Variants in RBFOX1 observed in about 807,000 individuals in gnomAD.
RBFOX1 encodes RNA binding fox-1 homolog 1.
A neutral mutation model predicts 57.7 loss-of-function variants in RBFOX1; 8 were observed. The ratio of observed to expected loss-of-function variants is 0.14; its 90% confidence interval spans 0.08 to 0.25. The LOEUF (loss-of-function observed/expected upper bound fraction) is 0.25, where lower values mean the gene tolerates loss of function less well. Among genes scored for constraint, RBFOX1 ranks in the 10% least tolerant of loss-of-function variants. The probability of loss-of-function intolerance (pLI) is 1.00; values close to 1 mark genes in which losing one functional copy is unlikely to be tolerated. For missense variants in RBFOX1, 611 were observed against 548.5 expected, an observed-to-expected ratio of 1.11 and a Z score of -1.14; for synonymous variants, 326 against 222.4, an observed-to-expected ratio of 1.47 and a Z score of -4.15.
intron 1 of RBFOX1, among the ~76,000 whole-genome samples, chr16:6,125,837 G>A (rs934114875): frequency 6.6e-6 from 1 of 152,152 alleles, no homozygotes; most frequent in African/African-American, 2.4e-5. Context: ...ATTGTGAGAT[G>A]TACAAACCTT....
chr16:5,680,937 G>A (rs2151436013), intron 3 of RBFOX1, among the ~76,000 whole-genome samples: 1 of 151,988 alleles, frequency 6.6e-6, no homozygotes, highest in East Asian at 1.9e-4. Flanking sequence ...CAGGGGTGCA[G>A]CAGCTATAAA....
At chr16:6,404,454 A>G (rs2093199825) in intron 2 of RBFOX1, among the ~76,000 whole-genome samples, 1 of 152,104 alleles carries the variant, frequency 6.6e-6, no homozygotes, top group Non-Finnish European at 1.5e-5. Flanking sequence ...TTACAAATGC[A>G]ATTTTCCCCT....
chr16:6,627,201 G>A (rs1601928985), intron 2 of RBFOX1, among the ~76,000 whole-genome samples: 1 of 152,194 alleles, frequency 6.6e-6, no homozygotes, highest in Non-Finnish European at 1.5e-5. Flanking sequence ...GGGCAGAGTA[G>A]TTTGGAGGAT....
At chr16:6,758,876 A>G (rs778886296) in intron 3 of RBFOX1, among the ~76,000 whole-genome samples, 8 of 152,122 alleles carry the variant, frequency 5.3e-5, no homozygotes, top group Non-Finnish European at 8.8e-5. Flanking sequence ...CCTCATCCTA[A>G]TAAAAGTAAT....
intron 4 of RBFOX1, among the ~76,000 whole-genome samples, chr16:7,203,716 T>C (rs1397738786): frequency 6.6e-6 from 1 of 152,094 alleles, no homozygotes; most frequent in Non-Finnish European, 1.5e-5. Flanking sequence ...CTCTTCCATT[T>C]CTCTGTTTCC....
At chr16:6,818,761 G>T (rs1461739380) in intron 3 of RBFOX1, among the ~76,000 whole-genome samples, 1 of 152,132 alleles carries the variant, frequency 6.6e-6, no homozygotes, top group Non-Finnish European at 1.5e-5. Context: ...TCACAAGGGG[G>T]AGTGTGATCG....
chr16:6,869,314 C>T (rs1305590045), intron 3 of RBFOX1, among the ~76,000 whole-genome samples: 4 of 152,074 alleles, frequency 2.6e-5, no homozygotes, highest in Admixed American at 2.6e-4. Flanking sequence ...CTTGCCACTG[C>T]CAGATGAAGA....
intron 1 of RBFOX1, among the ~76,000 whole-genome samples, chr16:6,088,233 A>G (rs1174319879): frequency 6.6e-6 from 1 of 151,220 alleles, no homozygotes; most frequent in Non-Finnish European, 1.5e-5. Context: ...CCTCAGTTGG[A>G]TCATATCTGT....
intron 3 of RBFOX1, among the ~76,000 whole-genome samples, chr16:6,894,446 G>A (rs1008262028): frequency 6.6e-6 from 1 of 152,088 alleles, no homozygotes; most frequent in Non-Finnish European, 1.5e-5. Context: ...ATGCCTTCCC[G>A]AATTTGTGCC....
At chr16:6,264,474 T>A (rs1598957008) in intron 1 of RBFOX1, among the ~76,000 whole-genome samples, 1 of 152,190 alleles carries the variant, frequency 6.6e-6, no homozygotes, top group Non-Finnish European at 1.5e-5. Flanking sequence ...CACTGGCTGG[T>A]AGGACAGTGA....
intron 2 of RBFOX1, among the ~76,000 whole-genome samples, chr16:6,539,519 C>A (rs916009593): frequency 6.6e-6 from 1 of 152,094 alleles, no homozygotes; most frequent in African/African-American, 2.4e-5. Context: ...CACGTACAGT[C>A]AGGTGCAGTG....
chr16:6,518,163 A>T lies in RBFOX1; in HGVS notation c.-63-136440A>T, dbSNP rs987310451. Among the ~76,000 whole-genome samples the T allele has an allele frequency of 2.6e-5, 4 of 152,228 alleles. No homozygotes were observed. In the South Asian group the frequency reaches 8.3e-4, roughly 32 times the overall value. ...TTAGGAAGTCTAAGTGGATGAGATT[A>T]ATAGCCTGCCCTGTGGTTTGTTAAA... On this transcript the variant is annotated intron_variant, in intron 2 of 15. Coordinates refer to ENST00000550418, the MANE Select transcript of RBFOX1 (RefSeq NM_018723.4).
chr16:7,104,719 A>C (rs982143824), intron 4 of RBFOX1, among the ~76,000 whole-genome samples: 1 of 152,156 alleles, frequency 6.6e-6, no homozygotes, highest in African/African-American at 2.4e-5. Context: ...CAATTAACCA[A>C]GGAACTCTAA....
At chr16:6,881,286 T>TA (rs776683873) in intron 3 of RBFOX1, among the ~76,000 whole-genome samples, 28 of 152,134 alleles carry the variant, frequency 1.8e-4, no homozygotes, top group Non-Finnish European at 3.4e-4. Flanking sequence ...AAGGAAGGGG[T>TA]AAAACCTATC....
At chr16:6,851,429 T>C (rs1047869356) in intron 3 of RBFOX1, among the ~76,000 whole-genome samples, 1 of 152,214 alleles carries the variant, frequency 6.6e-6, no homozygotes, top group Non-Finnish European at 1.5e-5. Flanking sequence ...TATTACTTAT[T>C]AAATTACATG....
chr16:7,298,933 A>G (rs1270537347), intron 4 of RBFOX1, among the ~76,000 whole-genome samples: 1 of 152,212 alleles, frequency 6.6e-6, no homozygotes, highest in East Asian at 1.9e-4. Context: ...GTGGTCCTGT[A>G]TAGTTCAAAT....
chr16:6,955,214 C>G (rs1039674118), intron 3 of RBFOX1, among the ~76,000 whole-genome samples: 5 of 151,916 alleles, frequency 3.3e-5, no homozygotes, highest in South Asian at 2.1e-4. Flanking sequence ...GTACTCCAGC[C>G]TGCGCAACAG....
At chr16:6,478,398 TATATATATATATATATATA>T in intron 2 of RBFOX1, among the ~76,000 whole-genome samples, 1 of 14,220 alleles carries the variant, frequency 7.0e-5, no homozygotes, top group Non-Finnish European at 1.2e-4. Context: ...AATATATATA[TATATATATATATATATATA>T]TATATATATA....
chr16:6,046,384 C>G (rs1309696513), intron 1 of RBFOX1, among the ~76,000 whole-genome samples: 1 of 152,096 alleles, frequency 6.6e-6, no homozygotes, highest in Non-Finnish European at 1.5e-5. Flanking sequence ...AGCTGAAGAT[C>G]TAATTTGTAG....
Sources: gnomAD v4.1 joint callset for allele counts (sites outside exome capture counted in the v4.1 genomes callset) on GRCh38, gnomAD v4.1.1 for gene constraint, MANE v1.5 for transcripts, NCBI Gene and HGNC (gene_info 2026-07-23, HGNC 2026-07-21) for gene names.